Variants in C9 observed in about 807,000 individuals in gnomAD.
C9 encodes the protein complement C9, also known as complement component C9.
In C9, 63 loss-of-function variants were observed where a neutral mutation model predicts 65.4. That is an observed-to-expected ratio of 0.96 (90% CI 0.79 to 1.19). The LOEUF (loss-of-function observed/expected upper bound fraction) is 1.19, where lower values mean the gene tolerates loss of function less well. C9 is among the 50% of genes most tolerant of loss of function. The pLI is 0.00. For missense variants in C9, 744 were observed against 670.1 expected, an observed-to-expected ratio of 1.11 and a Z score of -1.22; for synonymous variants, 229 against 227.9, an observed-to-expected ratio of 1.00 and a Z score of -0.04.
chr5:39,363,636 C>T (rs1754562042), intron 1 of C9, among the ~76,000 whole-genome samples: 1 of 152,164 alleles, frequency 6.6e-6, no homozygotes, highest in African/African-American at 2.4e-5. Context: ...TCGATGTCTA[C>T]TCTGATGACT....
chr5:39,312,616 T>C (rs1032276044), intron 6 of C9, among the ~76,000 whole-genome samples: 1 of 152,072 alleles, frequency 6.6e-6, no homozygotes, highest in Non-Finnish European at 1.5e-5. Context: ...TGGCTTACCT[T>C]TCCCGGAGAA....
At chr5:39,356,964 G>C (rs6890772) in intron 1 of C9, among the ~76,000 whole-genome samples, 2 of 152,126 alleles carry the variant, frequency 1.3e-5, no homozygotes, top group Non-Finnish European at 2.9e-5. Flanking sequence ...CAAATAAAAC[G>C]TATCTCCAAG....
intron 5 of C9, among the ~76,000 whole-genome samples, chr5:39,326,459 A>G (rs1579860333): frequency 6.6e-6 from 1 of 152,128 alleles, no homozygotes; most frequent in South Asian, 2.1e-4. Flanking sequence ...TTCTGTTCTC[A>G]TTACCTCTGG....
chr5:39,314,193 T>A (rs1025792583), intron 6 of C9, among the ~76,000 whole-genome samples: 7 of 152,144 alleles, frequency 4.6e-5, no homozygotes, highest in Non-Finnish European at 7.4e-5. Flanking sequence ...CTCACACCTG[T>A]AATCCCAGCA....
intron 1 of C9, among the ~76,000 whole-genome samples, chr5:39,362,529 C>T (rs886273794): frequency 6.6e-6 from 1 of 152,088 alleles, no homozygotes; most frequent in Non-Finnish European, 1.5e-5. Context: ...AACTGTGAGA[C>T]AATACATTTC....
At chr5:39,328,094 T>TAGACA in intron 5 of C9, among the ~76,000 whole-genome samples, 1 of 152,180 alleles carries the variant, frequency 6.6e-6, no homozygotes, top group Non-Finnish European at 1.5e-5. Context: ...GAGTGGAGGC[T>TAGACA]TAGCAGAATG....
intron 1 of C9, among the ~76,000 whole-genome samples, chr5:39,364,030 A>T (rs1754570551): frequency 6.6e-6 from 1 of 152,212 alleles, no homozygotes; most frequent in African/African-American, 2.4e-5. Context: ...AGAGTGAGGG[A>T]AAGATTAATT....
At chr5:39,289,756 A>G (rs753114464) in intron 9 of C9, among the ~76,000 whole-genome samples, 21 of 151,930 alleles carry the variant, frequency 1.4e-4, no homozygotes, top group Non-Finnish European at 2.1e-4. Context: ...CCTGAACAAT[A>G]AGGTTATTGA....
chr5:39,296,112 G>A (rs1245442927), intron 9 of C9, among the ~76,000 whole-genome samples: 1 of 151,596 alleles, frequency 6.6e-6, no homozygotes, highest in Non-Finnish European at 1.5e-5. Flanking sequence ...TCAGGACATT[G>A]GTCAGGGAAA....
chr5:39,340,910 T>C (rs73078518), intron 4 of C9, among the ~76,000 whole-genome samples: 197 of 152,322 alleles, frequency 1.3e-3, no homozygotes, highest in African/African-American at 4.4e-3. Flanking sequence ...TCTAACATCT[T>C]GATCATCTAG....
chr5:39,294,961 C>A (rs1179509799), intron 9 of C9, among the ~76,000 whole-genome samples: 2 of 151,680 alleles, frequency 1.3e-5, no homozygotes, highest in Non-Finnish European at 3.0e-5. Context: ...GAACAGAAAC[C>A]ATGTGATCAT....
chr5:39,325,027 C>T (rs155084), intron 5 of C9, among the ~76,000 whole-genome samples: 9,562 of 152,198 alleles, frequency 0.063, 991 homozygotes, highest in African/African-American at 0.22. Flanking sequence ...AAGAGATAGA[C>T]ACGATCAAGA....
At chr5:39,290,403 A>C (rs964486077) in intron 9 of C9, among the ~76,000 whole-genome samples, 1 of 151,778 alleles carries the variant, frequency 6.6e-6, no homozygotes, top group African/African-American at 2.4e-5. Flanking sequence ...GCACTTTAAA[A>C]CAAGAGACCA....
At chr5:39,336,669 TG>T (rs1233050079) in intron 4 of C9, among the ~76,000 whole-genome samples, 1 of 152,126 alleles carries the variant, frequency 6.6e-6, no homozygotes, top group Non-Finnish European at 1.5e-5. Flanking sequence ...GAAGAGACAG[TG>T]TTCAGTATCA....
chr5:39,295,537 T>C (rs537086463), intron 9 of C9, among the ~76,000 whole-genome samples: 9 of 151,446 alleles, frequency 5.9e-5, no homozygotes, highest in Non-Finnish European at 1.3e-4. Flanking sequence ...TTGAAAGAAA[T>C]GGAAGAGGAT....
intron 5 of C9, among the ~76,000 whole-genome samples, chr5:39,317,835 T>C (rs1344756360): frequency 1.3e-5 from 2 of 152,004 alleles, no homozygotes; most frequent in Admixed American, 6.5e-5. Flanking sequence ...GGCTCTTTTT[T>C]GTTTCCACAT....
rs1363105606 is a variant in C9, at chr5:39,284,333, G to A, written c.*866C>T. The A allele has an allele frequency of 6.6e-6, 1 of 151,838 alleles. No individual in the cohort carries two copies. The highest frequency in any genetic ancestry group is 6.6e-5 in the Admixed American group (1 of 15,242). 9.4% of individuals were successfully genotyped at this position (151,838 alleles called of 1,614,324 possible). On this transcript the variant is annotated 3_prime_UTR_variant, in exon 11 of 11. Coordinates refer to ENST00000263408, the MANE Select transcript of C9 (RefSeq NM_001737.5). ...AAAGGTCTCAGACCCTAAGCACCATGTTCTCTAATGAATAAGATTGTACAA... is the reference window on the plus strand; with the variant it reads ...AAAGGTCTCAGACCCTAAGCACCATATTCTCTAATGAATAAGATTGTACAA...
At chr5:39,347,410 C>A (rs1352343650) in intron 1 of C9, among the ~76,000 whole-genome samples, 1 of 152,154 alleles carries the variant, frequency 6.6e-6, no homozygotes, top group Admixed American at 6.5e-5. Context: ...CATGAGTGAA[C>A]TCCCATTCAC....
chr5:39,359,013 A>AAAT (rs1491241182), intron 1 of C9, among the ~76,000 whole-genome samples: 10 of 16,970 alleles, frequency 5.9e-4, no homozygotes, highest in South Asian at 1.8e-3. Flanking sequence ...ATAAATAAAT[A>AAAT]AAAAATATAT....
Sources: allele counts gnomAD v4.1 joint callset (sites outside exome capture counted in the v4.1 genomes callset), GRCh38; gene constraint gnomAD v4.1.1; transcripts MANE v1.5; gene names NCBI Gene and HGNC (gene_info 2026-07-23, HGNC 2026-07-21).